Variants in DAB2IP observed in about 807,000 individuals in gnomAD.
DAB2IP encodes the protein disabled homolog 2-interacting protein.
In DAB2IP, 28 loss-of-function variants were observed where a neutral mutation model predicts 107.2. The ratio of observed to expected loss-of-function variants is 0.26; its 90% CI spans 0.19 to 0.36. The LOEUF (loss-of-function observed/expected upper bound fraction) is 0.36. Among genes scored for constraint, DAB2IP ranks in the 10% least tolerant of loss-of-function variants. The pLI is 1.00. For missense variants in DAB2IP, 1,400 were observed against 1,644.7 expected (o/e 0.85, Z 2.57); for synonymous variants, 755 against 706.4 (o/e 1.07, Z -1.09).
intron 1 of DAB2IP, among the ~76,000 whole-genome samples, chr9:121,602,731 A>C (rs1589393433): frequency 6.6e-6 from 1 of 151,736 alleles, no homozygotes; most frequent in African/African-American, 2.4e-5. Flanking sequence ...GCCCGCCACC[A>C]CGCCCGGCTA....
intron 1 of DAB2IP, among the ~76,000 whole-genome samples, chr9:121,659,655 G>C (rs1287867668): frequency 6.6e-6 from 1 of 152,112 alleles, no homozygotes; most frequent in East Asian, 1.9e-4. Flanking sequence ...TTAGCCGGGC[G>C]TGGTGGCAGG....
At chr9:121,618,083 C>A (rs1831342172) in intron 1 of DAB2IP, among the ~76,000 whole-genome samples, 1 of 152,190 alleles carries the variant, frequency 6.6e-6, no homozygotes, top group Non-Finnish European at 1.5e-5. Context: ...GAAGGCCCCC[C>A]TCAAGCTGGC....
At chr9:121,744,340 G>A (rs1832569792) in intron 3 of DAB2IP, among the ~76,000 whole-genome samples, 1 of 152,228 alleles carries the variant, frequency 6.6e-6, no homozygotes, top group African/African-American at 2.4e-5. Context: ...TTGAATATTT[G>A]AAACAGTTGT....
At chr9:121,641,935 T>TTCTTTCTG (rs1554718106) in intron 1 of DAB2IP, among the ~76,000 whole-genome samples, 3,145 of 113,660 alleles carry the variant, frequency 0.028, 104 homozygotes, top group South Asian at 0.058. Context: ...CTTTCTTTCT[T>TTCTTTCTG]TCTCTCTTTC....
intron 2 of DAB2IP, among the ~76,000 whole-genome samples, chr9:121,686,185 A>C (rs980311657): frequency 6.6e-6 from 1 of 151,850 alleles, no homozygotes; most frequent in South Asian, 2.1e-4. Flanking sequence ...GCCTGTTCCA[A>C]CCCCCCCAAC....
At chr9:121,779,470 G>C (rs1231253758) in intron 14 of DAB2IP, among the ~76,000 whole-genome samples, 4 of 152,344 alleles carry the variant, frequency 2.6e-5, no homozygotes, top group African/African-American at 9.6e-5. Flanking sequence ...GTGAGGTGCT[G>C]AATGTTTTTG....
chr9:121,629,801 A>T (rs1281538710), intron 1 of DAB2IP, among the ~76,000 whole-genome samples: 1 of 152,172 alleles, frequency 6.6e-6, no homozygotes, highest in African/African-American at 2.4e-5. Flanking sequence ...GGAGAAGGTC[A>T]GGGCCTCGGC....
chr9:121,613,885 C>A (rs1178776045), intron 1 of DAB2IP, among the ~76,000 whole-genome samples: 1 of 152,186 alleles, frequency 6.6e-6, no homozygotes, highest in East Asian at 1.9e-4. Context: ...GAGAAGTCTT[C>A]AGATGGCAAG....
At chr9:121,648,080 A>G (rs554314038), upstream of DAB2IP, among the ~76,000 whole-genome samples, 9 of 152,130 alleles carry the variant, frequency 5.9e-5, no homozygotes, top group East Asian at 7.7e-4. Flanking sequence ...AAATGACACA[A>G]TGGACTTTGG....
intron 3 of DAB2IP, among the ~76,000 whole-genome samples, chr9:121,727,032 T>C (rs1831270977): frequency 6.6e-6 from 1 of 151,722 alleles, no homozygotes. Context: ...TCAAAAATAT[T>C]GTGCTGGACT....
intron 3 of DAB2IP, among the ~76,000 whole-genome samples, chr9:121,734,237 C>T (rs1289124956): frequency 3.4e-5 from 5 of 149,218 alleles, no homozygotes; most frequent in Non-Finnish European, 7.4e-5. Flanking sequence ...ATTAGCCGGG[C>T]GCGGTGGCGG....
At chr9:121,727,936 G>A (rs1324687148) in intron 3 of DAB2IP, among the ~76,000 whole-genome samples, 2 of 152,110 alleles carry the variant, frequency 1.3e-5, no homozygotes, top group East Asian at 3.9e-4. Flanking sequence ...TCCTTTGCAT[G>A]CCTTCATTGT....
chr9:121,636,656 G>A (rs1347709743), intron 1 of DAB2IP, among the ~76,000 whole-genome samples: 1 of 152,218 alleles, frequency 6.6e-6, no homozygotes, highest in African/African-American at 2.4e-5. Flanking sequence ...TGGCCTGTGG[G>A]TGCATGGGGC....
intron 3 of DAB2IP, among the ~76,000 whole-genome samples, chr9:121,734,646 C>T (rs966420391): frequency 6.6e-6 from 1 of 152,152 alleles, no homozygotes; most frequent in Non-Finnish European, 1.5e-5. Context: ...GATATTATAA[C>T]AGTGGGGATG....
intron 1 of DAB2IP, among the ~76,000 whole-genome samples, chr9:121,643,924 T>C (rs372806001): frequency 1.3e-5 from 2 of 152,264 alleles, no homozygotes; most frequent in East Asian, 3.9e-4. Flanking sequence ...TCCCAGTGCT[T>C]TGGGACAATA....
intron 1 of DAB2IP, among the ~76,000 whole-genome samples, chr9:121,580,905 G>A (rs1262608628): frequency 3.9e-5 from 6 of 152,220 alleles, no homozygotes; most frequent in Non-Finnish European, 7.3e-5. Flanking sequence ...GATTACAGGC[G>A]TGAGCCACCG....
At chr9:121,588,181 A>G (rs1830346898) in intron 1 of DAB2IP, among the ~76,000 whole-genome samples, 1 of 152,050 alleles carries the variant, frequency 6.6e-6, no homozygotes, top group African/African-American at 2.4e-5. Flanking sequence ...CTGCATAGGG[A>G]AAAAAAGGTC....
intron 1 of DAB2IP, among the ~76,000 whole-genome samples, chr9:121,585,368 C>T (rs142586784): frequency 6.6e-6 from 1 of 152,256 alleles, no homozygotes; most frequent in East Asian, 1.9e-4. Flanking sequence ...TTCTTAACCT[C>T]TCTGCCTCAG....
exon 11 of DAB2IP, chr9:121,770,655 C>T: frequency 1.2e-6 from 2 of 1,614,206 alleles, no homozygotes; most frequent in Non-Finnish European, 1.7e-6. Context: ...CTGGCCTCCA[C>T]ACCGGGCTCT....
Sources: gnomAD v4.1 joint callset for allele counts (sites outside exome capture counted in the v4.1 genomes callset) on GRCh38, gnomAD v4.1.1 for gene constraint, MANE v1.5 for transcripts, NCBI Gene and HGNC (gene_info 2026-07-23, HGNC 2026-07-21) for gene names.